DCAF5: variants seen among roughly 807,000 people sequenced by gnomAD.
DCAF5 encodes the protein DDB1- and CUL4-associated factor 5.
DCAF5 carries 9 observed loss-of-function variants against 80.7 expected under a neutral mutation model. The observed-to-expected ratio is 0.11, with a 90% CI of 0.07 to 0.19. DCAF5 has a LOEUF of 0.19. Ranked by LOEUF, DCAF5 falls within the 10% of genes least tolerant of loss-of-function variation. DCAF5 has a pLI of 1.00. For synonymous variants in DCAF5, 433 were observed against 461.9 expected (o/e 0.94, Z 0.80); for missense variants, 842 against 1,205.7 (o/e 0.70, Z 4.47).
intron 5 of DCAF5, among the ~76,000 whole-genome samples, chr14:69,114,641 A>G (rs1436969269): frequency 1.3e-5 from 2 of 152,238 alleles, no homozygotes; most frequent in African/African-American, 4.8e-5. Flanking sequence ...TTAAAAACAT[A>G]CAAGTAACAG....
intron 5 of DCAF5, among the ~76,000 whole-genome samples, chr14:69,095,693 T>C (rs1266590294): frequency 6.6e-6 from 1 of 152,222 alleles, no homozygotes; most frequent in African/African-American, 2.4e-5. Flanking sequence ...GGGAAAGTGA[T>C]TGAGCGTATC....
chr14:69,055,388 T>C lies in DCAF5; in HGVS notation c.1298A>G (p.Asp433Gly). 3 of 1,614,098 alleles carry C rather than the reference T, an allele frequency of 1.9e-6. No homozygotes were observed. Among genetic ancestry groups the C allele is most frequent in the Non-Finnish European group, 2.5e-6 (3 of 1,180,020 alleles). The change falls in exon 9 of 9, where the codon GAC becomes GGC. Residue 433 changes from aspartate (D) to glycine (G), a missense_variant. Asp to Gly is a moderately conservative substitution (Grantham distance 94, BLOSUM62 -1). Around this residue, in one of 5 missense-constraint regions of DCAF5, gnomAD observed 607 missense variants for 656.6 expected, o/e 0.92. Transcript: ENST00000341516. This position sits in a 1 kb window ranked among gnomAD's most constrained non-coding sequence, Gnocchi z 5.6. ...VRREIEGWSS[D>G]SDSDLSESTI... ...ACTCTCACTGAGGTCACTGTCTGAG[T>C]CAGAGCTCCAGCCCTCGATCTCTCG...
chr14:69,130,933 G>T (rs562727870), intron 1 of DCAF5, among the ~76,000 whole-genome samples: 1 of 152,264 alleles, frequency 6.6e-6, no homozygotes, highest in South Asian at 2.1e-4. Flanking sequence ...ATTGTAAAAT[G>T]GAGAAAATAC....
intron 6 of DCAF5, among the ~76,000 whole-genome samples, chr14:69,080,073 C>G (rs374185908): frequency 1.2e-3 from 186 of 152,100 alleles, no homozygotes; most frequent in African/African-American, 4.2e-3. Flanking sequence ...AGACAGAGTT[C>G]TGGCTATTTT....
At chr14:69,056,099 G>C (rs1304498264) in intron 8 of DCAF5, among the ~76,000 whole-genome samples, 2 of 152,160 alleles carry the variant, frequency 1.3e-5, no homozygotes, top group Non-Finnish European at 2.9e-5. Context: ...CTCCATGGTA[G>C]TTAATATCTG....
chr14:69,083,858 A>T (rs1163161634), intron 6 of DCAF5: 12 of 752,234 alleles, frequency 1.6e-5, no homozygotes, highest in Non-Finnish European at 2.7e-5. Flanking sequence ...GATGAAGATG[A>T]CAGTGAGATG....
chr14:69,055,728 G>A lies in DCAF5; in HGVS notation c.1075-117C>T, dbSNP rs1264560951. The stretch of plus-strand genomic sequence containing the variant: ...CCAGACTCTCCCTGTAATTTAACTA[G>A]GACTTGCTAACCAACTTAAAAATAA... On this transcript the variant is annotated intron_variant, in intron 8 of 8. Coordinates refer to ENST00000341516, the MANE Select transcript of DCAF5 (RefSeq NM_003861.3). This position sits in a 1 kb window ranked among gnomAD's most constrained non-coding sequence, Gnocchi z 5.6. The A allele has an allele frequency of 2.8e-6, 3 of 1,065,586 alleles. No individual in the cohort carries two copies. The highest frequency in any genetic ancestry group is 1.6e-5 in the African/African-American group (1 of 62,770). The allele number at this position is 1,065,586 out of a possible 1,614,324, so 66.0% of individuals were successfully genotyped here.
At chr14:69,060,628 T>C (rs2139843630) in intron 8 of DCAF5, among the ~76,000 whole-genome samples, 1 of 151,988 alleles carries the variant, frequency 6.6e-6, no homozygotes, top group East Asian at 1.9e-4. Context: ...GCGTCCTGGG[T>C]TCAAGTGATC....
At chr14:69,097,727 C>T (rs554516568) in intron 5 of DCAF5, among the ~76,000 whole-genome samples, 123 of 151,938 alleles carry the variant, frequency 8.1e-4, no homozygotes, top group African/African-American at 2.9e-3. Flanking sequence ...GCTGGGATTA[C>T]AGGCGGGCAC....
chr14:69,096,858 A>G (rs2039731120), intron 5 of DCAF5, among the ~76,000 whole-genome samples: 1 of 152,172 alleles, frequency 6.6e-6, no homozygotes, highest in Non-Finnish European at 1.5e-5. Context: ...TTCACCTTAC[A>G]TAGTATCAGC....
chr14:69,109,441 C>T (rs2040278038), intron 5 of DCAF5, among the ~76,000 whole-genome samples: 1 of 152,054 alleles, frequency 6.6e-6, no homozygotes, highest in South Asian at 2.1e-4. Flanking sequence ...AAATTGCCAC[C>T]CAGATCAAGA....
Position 69,152,503 on chromosome 14 carries a change from C to G in DCAF5, c.214+262G>C. On this transcript the variant is annotated intron_variant, in intron 1 of 8. Transcript: ENST00000341516. This position sits in a 1 kb window ranked among gnomAD's most constrained non-coding sequence, Gnocchi z 4.1. ...CCCCGACCTACACTTTCAGGGCAGG[C>G]ATCAGGAGAGATCACTTTGCACTTG... 2.0e-6 allele frequency: 1 copy of G among 489,998 alleles called. No homozygotes were observed. Among genetic ancestry groups the G allele is most frequent in the Non-Finnish European group, 3.7e-6 (1 of 269,268 alleles). 30.4% of individuals were successfully genotyped at this position (489,998 alleles called of 1,614,324 possible).
At chr14:69,089,325 C>T (rs1323526702) in intron 6 of DCAF5, 1 of 152,228 alleles carries the variant, frequency 6.6e-6, no homozygotes, top group East Asian at 1.9e-4. Context: ...ATATAAATCT[C>T]TGTATTTTAT....
intron 6 of DCAF5, chr14:69,089,064 G>T (rs529857384): frequency 6.6e-6 from 1 of 152,570 alleles, no homozygotes; most frequent in South Asian, 2.1e-4. Flanking sequence ...CTCCTAATTG[G>T]ATGAATTATT....
intron 7 of DCAF5, among the ~76,000 whole-genome samples, chr14:69,073,438 T>C (rs2038777631): frequency 6.6e-6 from 1 of 152,162 alleles, no homozygotes; most frequent in Non-Finnish European, 1.5e-5. Context: ...CAGTCTGTGA[T>C]ACTTCGTTAT....
chr14:69,095,457 C>A lies in DCAF5; in HGVS notation c.666-3570G>T, dbSNP rs192362161. Among the ~76,000 whole-genome samples the A allele has an allele frequency of 7.9e-5, 12 of 152,184 alleles. No individual in the cohort carries two copies. In the South Asian group the frequency reaches 2.5e-3, roughly 32 times the overall value. On this transcript the variant is annotated intron_variant, in intron 5 of 8. Coordinates refer to ENST00000341516, the MANE Select transcript of DCAF5 (RefSeq NM_003861.3). ...CCAAGGTGATCCAAAAGACCTAGGG[C>A]GAAAAGCAAGAACACCTCAGAACAT...
intron 5 of DCAF5, among the ~76,000 whole-genome samples, chr14:69,103,323 C>A (rs1483093368): frequency 1.3e-5 from 2 of 152,124 alleles, no homozygotes; most frequent in East Asian, 3.8e-4. Context: ...CTCACTACCC[C>A]CAGGAGAAAA....
intron 1 of DCAF5, among the ~76,000 whole-genome samples, chr14:69,133,200 G>A (rs983635783): frequency 5.3e-5 from 8 of 152,056 alleles, no homozygotes; most frequent in African/African-American, 1.9e-4. Flanking sequence ...ATATGAAGGG[G>A]TACACAGCTA....
At chr14:69,144,391 T>C (rs944437491) in intron 1 of DCAF5, among the ~76,000 whole-genome samples, 1 of 151,530 alleles carries the variant, frequency 6.6e-6, no homozygotes, top group African/African-American at 2.4e-5. Flanking sequence ...GCTAACACGG[T>C]GAAACCCCGT....
Sources: gnomAD v4.1 joint callset for allele counts (sites outside exome capture counted in the v4.1 genomes callset) on GRCh38, gnomAD v4.1.1 for gene constraint, gnomAD v4.1.1 regional missense constraint, Gnocchi (gnomAD v3.1) non-coding constraint, MANE v1.5 for transcripts, NCBI Gene and HGNC (gene_info 2026-07-23, HGNC 2026-07-21) for gene names.